Variants in MYL9 observed in about 807,000 individuals in gnomAD.
MYL9 encodes the protein myosin regulatory light polypeptide 9.
MYL9 carries 7 observed loss-of-function variants against 12.8 expected under a neutral mutation model. That is an observed-to-expected ratio of 0.55 (90% CI 0.31 to 1.03). The LOEUF (loss-of-function observed/expected upper bound fraction) is 1.03. Among genes scored for constraint, MYL9 ranks in the 50% least tolerant of loss-of-function variants. MYL9 has a pLI of 0.05. For missense variants in MYL9, 190 were observed against 242.7 expected (o/e 0.78, Z 1.44); for synonymous variants, 81 against 87.8 (o/e 0.92, Z 0.43).
At chr20:36,545,091 G>A in intron 2 of MYL9, 23 bp downstream of exon 2, 2 of 1,611,352 alleles carry the variant, frequency 1.2e-6, no homozygotes, top group African/African-American at 1.3e-5. Flanking sequence ...AGGGACAGGG[G>A]TGAGATGGAT....
In MYL9 at chr20:36,549,451, GGGC is replaced by G; in HGVS notation, c.*203_*205del. On this transcript the variant is annotated 3_prime_UTR_variant, in exon 4 of 4. Coordinates refer to ENST00000279022, the MANE Select transcript of MYL9 (RefSeq NM_006097.5). ...GTTCCCACAGTGACCCCAGAGCCCT[GGGC>G]TATAGTCTCTGACCCCTCCAAGGAA... 1 of 570,712 alleles carries G rather than the reference GGGC, an allele frequency of 1.8e-6. No individual in the cohort carries two copies. The highest frequency in any genetic ancestry group is 3.1e-6 in the Non-Finnish European group (1 of 321,744). The allele number at this position is 570,712 out of a possible 1,614,324, so 35.4% of individuals were successfully genotyped here.
chr20:36,548,995 C>A, intron 3 of MYL9, 82 bp from the exon 4 acceptor site: 1 of 1,396,284 alleles, frequency 7.2e-7, no homozygotes, highest in Non-Finnish European at 9.8e-7. Flanking sequence ...TCTGCAAGAG[C>A]TGCCAGGGGG....
intron 2 of MYL9, among the ~76,000 whole-genome samples, 155 bp downstream of exon 2, chr20:36,545,223 C>A (rs376771874): frequency 6.6e-6 from 1 of 152,188 alleles, no homozygotes; most frequent in Non-Finnish European, 1.5e-5. Context: ...CTGGGCCGGG[C>A]GCGGTGGCTC....
chr20:36,541,901 C>T (rs2038041174), intron 1 of MYL9, among the ~76,000 whole-genome samples: 1 of 152,086 alleles, frequency 6.6e-6, no homozygotes, highest in Admixed American at 6.5e-5. Flanking sequence ...GGCTGGGGAG[C>T]CCGGGTACAA....
chr20:36,549,149 AC>A lies in MYL9; in HGVS notation c.420del (p.Asp140GlufsTer90). On this transcript the variant is annotated frameshift_variant, in exon 4 of 4. Coordinates refer to ENST00000279022, the MANE Select transcript of MYL9 (RefSeq NM_006097.5). LOFTEE classifies it high-confidence loss of function. ...MGDRFTDEEV[D>X]EMYREAPIDK... is the part of the protein sequence containing the mutation. ...GACCGCTTCACAGATGAGGAAGTGG[AC>A]GAGATGTACCGGGAGGCACCCATTG... 6.2e-7 allele frequency: 1 copy of A among 1,613,924 alleles called. No individual in the cohort carries two copies. The highest frequency in any genetic ancestry group is 8.5e-7 in the Non-Finnish European group (1 of 1,180,008).
chr20:36,547,935 A>G, intron 2 of MYL9, 97 bp from the exon 3 acceptor site: 1 of 1,369,896 alleles, frequency 7.3e-7, no homozygotes, highest in Non-Finnish European at 9.8e-7. Flanking sequence ...TCTCACACGG[A>G]GCGGTGAAGG....
chr20:36,548,135 C>T lies in MYL9; in HGVS notation c.288C>T (p.Gly96=), dbSNP rs371942211. ...FLTMFGEKLN[G]TDPEDVIRNA... ...CCATGTTTGGGGAGAAGCTGAACGG[C>T]ACGGACCCCGAGGATGTGATTCGCA... The change falls in exon 3 of 4, where the codon GGC becomes GGT. Residue 96 remains glycine (G), a synonymous_variant. Transcript: ENST00000279022. 3 of 1,613,890 alleles carry T rather than the reference C, an allele frequency of 1.9e-6. No individual in the cohort carries two copies. Among genetic ancestry groups the T allele is most frequent in the African/African-American group, 2.7e-5 (2 of 74,926 alleles).
chr20:36,542,803 T>A (rs1206010737), intron 1 of MYL9, among the ~76,000 whole-genome samples: 1 of 152,176 alleles, frequency 6.6e-6, no homozygotes, highest in Non-Finnish European at 1.5e-5. Context: ...CCACAATTGC[T>A]GGGGTGGACA....
chr20:36,542,247 G>A (rs1226619956), intron 1 of MYL9, among the ~76,000 whole-genome samples: 1 of 152,164 alleles, frequency 6.6e-6, no homozygotes, highest in Non-Finnish European at 1.5e-5. Flanking sequence ...GCTCTTCCCA[G>A]CCCTCCAGCT....
Position 36,549,763 on chromosome 20 carries a change from G to A in MYL9, c.*514G>A, listed in dbSNP as rs184854575. The A allele has an allele frequency of 8.2e-5, 13 of 157,838 alleles. No homozygotes were observed. The highest frequency in any genetic ancestry group is 1.8e-4 in the Admixed American group (3 of 16,632). The allele number at this position is 157,838 out of a possible 1,614,324, so 9.8% of individuals were successfully genotyped here. ...CCATGGGAGTGTGCTCAGGAGTCGC[G>A]GGCAGCGTGGACATCTGTCCCAGAG... On this transcript the variant is annotated 3_prime_UTR_variant, in exon 4 of 4. Transcript: ENST00000279022.
chr20:36,548,685 G>T (rs920551657), intron 3 of MYL9, among the ~76,000 whole-genome samples: 2 of 152,172 alleles, frequency 1.3e-5, no homozygotes, highest in African/African-American at 4.8e-5. Context: ...GGAGGTTAAG[G>T]ACCTTGCCCA....
At chr20:36,544,015 G>T (rs892419821) in intron 1 of MYL9, among the ~76,000 whole-genome samples, 1 of 152,162 alleles carries the variant, frequency 6.6e-6, no homozygotes, top group Non-Finnish European at 1.5e-5. Flanking sequence ...TCTGAGGGGC[G>T]GCAGGAACCT....
intron 2 of MYL9, among the ~76,000 whole-genome samples, chr20:36,546,019 G>A (rs73905363): frequency 1.0e-3 from 157 of 152,308 alleles, no homozygotes; most frequent in African/African-American, 3.5e-3. Context: ...CTAGAGGGGC[G>A]GCCAGACCAG....
chr20:36,545,249 G>A (rs1484728291), intron 2 of MYL9, among the ~76,000 whole-genome samples, 181 bp downstream of exon 2: 1 of 152,174 alleles, frequency 6.6e-6, no homozygotes. Context: ...TGTAATCCCA[G>A]CACTTTGGGA....
intron 1 of MYL9, among the ~76,000 whole-genome samples, chr20:36,544,186 G>A (rs776267851): frequency 5.3e-5 from 8 of 152,188 alleles, no homozygotes; most frequent in Non-Finnish European, 1.2e-4. Context: ...AGAACAAGGA[G>A]TGGGACCCAG....
In MYL9 at chr20:36,549,387, A is replaced by C; in HGVS notation, c.*138A>C. On this transcript the variant is annotated 3_prime_UTR_variant, in exon 4 of 4. Coordinates refer to ENST00000279022, the MANE Select transcript of MYL9 (RefSeq NM_006097.5). ...TTAGGGTCCCAGTTCCCAGTGGAAGAAACAGGCCAGGAGAAGTGCGTGCCG... is the reference window on the plus strand; with the variant it reads ...TTAGGGTCCCAGTTCCCAGTGGAAGCAACAGGCCAGGAGAAGTGCGTGCCG... The C allele has an allele frequency of 2.6e-6, 2 of 768,288 alleles. No homozygotes were observed. The highest frequency in any genetic ancestry group is 4.2e-6 in the Non-Finnish European group (2 of 480,656). The allele number at this position is 768,288 out of a possible 1,614,324, so 47.6% of individuals were successfully genotyped here. A position where few individuals can be genotyped will look rare whatever the true frequency, so the allele number is the denominator to read the frequency against.
chr20:36,548,589 TGGGCCCGCAC>T lies in MYL9; in HGVS notation c.346+402_346+411del, dbSNP rs545196742. The stretch of plus-strand genomic sequence containing the variant: ...GATGATGGCCATGGTAACATGGCCA[TGGGCCCGCAC>T]GGGCCTGACTACCTTCACGGTCCCT... On this transcript the variant is annotated intron_variant, in intron 3 of 3. Transcript: ENST00000279022. Among the ~76,000 whole-genome samples the T allele has an allele frequency of 4.3e-3, 655 of 152,326 alleles. 3 individuals carry two copies. Among genetic ancestry groups the T allele is most frequent in the Non-Finnish European group, 7.4e-3 (505 of 68,022 alleles).
intron 1 of MYL9, among the ~76,000 whole-genome samples, chr20:36,542,119 C>G (rs549336111): frequency 2.2e-4 from 34 of 152,266 alleles, no homozygotes; most frequent in African/African-American, 7.7e-4. Flanking sequence ...TGCAGGGACC[C>G]GGGCCTTCCC....
intron 2 of MYL9, among the ~76,000 whole-genome samples, chr20:36,546,992 C>T (rs111320207): frequency 3.9e-5 from 6 of 152,292 alleles, no homozygotes; most frequent in African/African-American, 1.2e-4. Flanking sequence ...AGTGTCCTGG[C>T]GTCACAGCTC....
Sources: allele counts gnomAD v4.1 joint callset (sites outside exome capture counted in the v4.1 genomes callset), GRCh38; gene constraint gnomAD v4.1.1; transcripts MANE v1.5; gene names NCBI Gene and HGNC (gene_info 2026-07-23, HGNC 2026-07-21).